The following LRRC74A variants were observed in gnomAD, a reference collection of about 807,000 sequenced individuals.
LRRC74A encodes the protein leucine-rich repeat-containing protein 74A.
A neutral mutation model predicts 57.9 loss-of-function variants in LRRC74A; 44 were observed. The ratio of observed to expected loss-of-function variants is 0.76; its 90% CI spans 0.60 to 0.98. The LOEUF (loss-of-function observed/expected upper bound fraction) is 0.98. Ranked by LOEUF, LRRC74A falls within the 50% of genes least tolerant of loss-of-function variation. The pLI is 0.00. For missense variants in LRRC74A, 572 were observed against 574.0 expected (o/e 1.00, Z 0.04); for synonymous variants, 211 against 219.4 (o/e 0.96, Z 0.34).
intron 12 of LRRC74A, 43 bp downstream of exon 12, chr14:76,866,118 G>C (rs761423172): frequency 7.5e-7 from 1 of 1,342,278 alleles, no homozygotes; most frequent in South Asian, 1.2e-5. Context: ...GTGAGTGTGA[G>C]TGTGAGTTTG....
intron 5 of LRRC74A, among the ~76,000 whole-genome samples, chr14:76,842,597 T>A (rs1379517259): frequency 6.6e-6 from 1 of 152,246 alleles, no homozygotes; most frequent in African/African-American, 2.4e-5. Context: ...GACTAGCTTA[T>A]TATCTCACTT....
At chr14:76,851,758 C>T (rs560656744) in intron 7 of LRRC74A, among the ~76,000 whole-genome samples, 4 of 151,988 alleles carry the variant, frequency 2.6e-5, no homozygotes, top group South Asian at 4.2e-4. Context: ...CTCTGCCTCC[C>T]GGGTTCAAGC....
chr14:76,837,872 T>C lies in LRRC74A; in HGVS notation c.448-3T>C, dbSNP rs1230875028. The C allele has an allele frequency of 1.3e-6, 2 of 1,570,178 alleles. No individual in the cohort carries two copies. Among genetic ancestry groups the C allele is most frequent in the Admixed American group, 1.8e-5 (1 of 54,810 alleles). On this transcript the variant is annotated splice_polypyrimidine_tract_variant and splice_region_variant and intron_variant, in intron 4 of 13. Transcript: ENST00000689127. Reference sequence around the variant, plus strand: ...CATACCGAAGTGTTTTCTTGCCTTTTAGAATATTTCCAACAATCACCTTGG... The same window carrying C: ...CATACCGAAGTGTTTTCTTGCCTTTCAGAATATTTCCAACAATCACCTTGG...
intron 13 of LRRC74A, among the ~76,000 whole-genome samples, chr14:76,868,858 C>T (rs1169163830): frequency 1.3e-5 from 2 of 152,266 alleles, no homozygotes; most frequent in African/African-American, 4.8e-5. Flanking sequence ...CGGCTGTGCG[C>T]GGATCTCCTC....
At chr14:76,831,631 C>G (rs1049254634) in intron 3 of LRRC74A, among the ~76,000 whole-genome samples, 1 of 152,130 alleles carries the variant, frequency 6.6e-6, no homozygotes, top group African/African-American at 2.4e-5. Context: ...TCTATATACT[C>G]TTTGCTGTTC....
chr14:76,867,812 T>G (rs2140318539), intron 13 of LRRC74A, among the ~76,000 whole-genome samples: 1 of 152,176 alleles, frequency 6.6e-6, no homozygotes, highest in South Asian at 2.1e-4. Context: ...AGAGGAAGTG[T>G]CGCTCAGGCG....
At chr14:76,848,034 G>A (rs1315071128) in intron 7 of LRRC74A, among the ~76,000 whole-genome samples, 2 of 151,636 alleles carry the variant, frequency 1.3e-5, no homozygotes, top group African/African-American at 4.8e-5. Context: ...ATTAGCCGGT[G>A]TAGTGGTGTG....
chr14:76,839,333 G>C (rs1896588945), intron 5 of LRRC74A, among the ~76,000 whole-genome samples: 1 of 152,186 alleles, frequency 6.6e-6, no homozygotes, highest in South Asian at 2.1e-4. Flanking sequence ...ACCATCCCCA[G>C]AAGGGAAATA....
chr14:76,831,034 C>G (rs1483975066), intron 2 of LRRC74A, among the ~76,000 whole-genome samples, 169 bp from the exon 3 acceptor site: 1 of 152,224 alleles, frequency 6.6e-6, no homozygotes, highest in Non-Finnish European at 1.5e-5. Flanking sequence ...GTCTCCCTCT[C>G]CCACCATGGA....
At chr14:76,859,171 T>G (rs1297383394) in intron 10 of LRRC74A, among the ~76,000 whole-genome samples, 1 of 152,112 alleles carries the variant, frequency 6.6e-6, no homozygotes, top group Non-Finnish European at 1.5e-5. Flanking sequence ...GCATCTGTAT[T>G]TCCCTCTCCC....
rs1898825232 is a variant in LRRC74A at position 76,866,691 on chromosome 14, T to A, written c.1308+616T>A. On this transcript the variant is annotated intron_variant, in intron 12 of 13. Coordinates refer to ENST00000689127, the MANE Select transcript of LRRC74A (RefSeq NM_001385106.1). ...CAGCAGCAGGAAGTGAGAATGAACT[T>A]CACAGGATGCAAAGGAGAGTCCTGT... 2.0e-5 allele frequency among the ~76,000 whole-genome samples: 3 copies of A among 151,846 alleles called. No individual in the cohort carries two copies. In the South Asian group the frequency reaches 6.2e-4, roughly 31 times the overall value.
At chr14:76,844,000 C>A (rs547153376) in intron 5 of LRRC74A, among the ~76,000 whole-genome samples, 8 of 148,796 alleles carry the variant, frequency 5.4e-5, no homozygotes, top group Admixed American at 4.7e-4. Flanking sequence ...AGTACCCAGG[C>A]TCCTTTTCTT....
intron 10 of LRRC74A, among the ~76,000 whole-genome samples, chr14:76,858,511 G>A (rs185949025): frequency 8.2e-4 from 125 of 152,218 alleles, no homozygotes; most frequent in Non-Finnish European, 1.5e-3. Flanking sequence ...ACATTCACGG[G>A]TCCTAGGGGT....
chr14:76,844,379 C>T, intron 5 of LRRC74A, 44 bp from the exon 6 acceptor site: 1 of 1,578,350 alleles, frequency 6.3e-7, no homozygotes, highest in East Asian at 2.3e-5. Flanking sequence ...AGGAAGGGAG[C>T]CATGGTCTAG....
intron 2 of LRRC74A, chr14:76,829,016 G>A (rs1895786009): frequency 1.6e-6 from 2 of 1,289,134 alleles, no homozygotes; most frequent in African/African-American, 1.5e-5. Context: ...AGCATGCCTG[G>A]GTATCGGGAC....
chr14:76,870,049 C>T (rs1431824409), intron 13 of LRRC74A, 76 bp from the exon 14 acceptor site: 8 of 1,507,828 alleles, frequency 5.3e-6, no homozygotes, highest in Non-Finnish European at 6.4e-6. Flanking sequence ...TGGATTTAAG[C>T]CTGTCTTAAC....
chr14:76,840,612 T>A (rs530589341), intron 5 of LRRC74A, among the ~76,000 whole-genome samples: 55 of 143,526 alleles, frequency 3.8e-4, no homozygotes, highest in African/African-American at 1.4e-3. Context: ...TGAGACGGAG[T>A]CTCACTGTCA....
At position 76,836,281 on chromosome 14, in the gene LRRC74A, G is replaced by C; in HGVS notation, c.414G>C (p.Glu138Asp). The C allele has an allele frequency of 6.2e-7, 1 of 1,613,558 alleles. No individual in the cohort carries two copies. Among genetic ancestry groups the C allele is most frequent in the Non-Finnish European group, 8.5e-7 (1 of 1,179,622 alleles). Reference protein sequence around the residue: ...IMEEGVLSLVEMLQENYYLQE... With the variant: ...IMEEGVLSLVDMLQENYYLQE... ...AGGAGGGCGTCTTGAGCCTGGTGGAGATGCTACAAGAGAACTACTACCTCC... is the reference window on the plus strand; with the variant it reads ...AGGAGGGCGTCTTGAGCCTGGTGGACATGCTACAAGAGAACTACTACCTCC... Residue 138 changes from glutamate to aspartate, a missense_variant, in exon 4 of 14, where the codon GAG (glutamate) becomes GAC (aspartate). By Grantham distance (45) the Glu-to-Asp change is conservative (BLOSUM62 2). Coordinates refer to ENST00000689127, the MANE Select transcript of LRRC74A (RefSeq NM_001385106.1).
chr14:76,844,725 C>T lies in LRRC74A; in HGVS notation c.595-95C>T, dbSNP rs1023747266. 98 of 749,438 alleles carry T rather than the reference C, an allele frequency of 1.3e-4. 1 individual carries two copies. In the African/African-American group the frequency reaches 1.6e-3, roughly 12 times the overall value. The allele number at this position is 749,438 out of a possible 1,614,324, so 46.4% of individuals were successfully genotyped here. On this transcript the variant is annotated intron_variant, in intron 6 of 13. Transcript: ENST00000689127. ...CATTGTCTTCACCTAATTTTTGGTA[C>T]ATCAGAGCCCCACCATCATACTGCC...
Sources: gnomAD v4.1 joint callset for allele counts (sites outside exome capture counted in the v4.1 genomes callset) on GRCh38, gnomAD v4.1.1 for gene constraint, MANE v1.5 for transcripts, NCBI Gene and HGNC (gene_info 2026-07-23, HGNC 2026-07-21) for gene names.